The following CFAP54 variants were observed in gnomAD, a reference collection of about 807,000 sequenced individuals.
CFAP54 encodes the protein cilia- and flagella-associated protein 54.
Under a neutral mutation model 370.4 loss-of-function variants are expected in CFAP54, and 290 were observed. That is an observed-to-expected ratio of 0.78 (90% CI 0.71 to 0.86). The LOEUF (loss-of-function observed/expected upper bound fraction) is 0.86, where lower values mean the gene tolerates loss of function less well. Among genes scored for constraint, CFAP54 ranks in the 40% least tolerant of loss-of-function variants. The pLI is 0.00. For synonymous variants in CFAP54, 1,206 were observed against 1,236.5 expected (o/e 0.98, Z 0.52); for missense variants, 3,399 against 3,528.7 (o/e 0.96, Z 0.93).
At chr12:96,659,294 C>T (rs563410821) in intron 38 of CFAP54, among the ~76,000 whole-genome samples, 17 of 152,142 alleles carry the variant, frequency 1.1e-4, no homozygotes, top group South Asian at 4.2e-4. Context: ...CCAACACGCC[C>T]GGCTAATTTT....
chr12:96,860,134 A>ATTTTTTTTTTTTTTTT (rs137937553), intron 66 of CFAP54, among the ~76,000 whole-genome samples: 1 of 127,990 alleles, frequency 7.8e-6, no homozygotes, highest in Non-Finnish European at 1.6e-5. Flanking sequence ...TTGTTCTCTA[A>ATTTTTTTTTTTTTTTT]TTTTTTTTTT....
At chr12:96,720,971 G>A (rs1957745140) in intron 50 of CFAP54, among the ~76,000 whole-genome samples, 1 of 151,586 alleles carries the variant, frequency 6.6e-6, no homozygotes, top group African/African-American at 2.4e-5. Flanking sequence ...AGTGAGCTGA[G>A]ATTGCCCCTC....
chr12:96,554,597 T>C (rs1240884065), intron 16 of CFAP54, 79 bp from the exon 17 acceptor site: 3 of 1,320,170 alleles, frequency 2.3e-6, no homozygotes, highest in Non-Finnish European at 3.0e-6. Context: ...GATGATAACT[T>C]GAGTGATAAT....
Position 96,489,927 on chromosome 12 carries a change from G to C in CFAP54, c.317+1G>C. 1 of 1,531,272 alleles carries C rather than the reference G, an allele frequency of 6.5e-7. No individual in the cohort carries two copies. Among genetic ancestry groups the C allele is most frequent in the Non-Finnish European group, 8.7e-7 (1 of 1,143,534 alleles). 94.9% of individuals were successfully genotyped at this position (1,531,272 alleles called of 1,614,324 possible). ...AGAAGCACGAATTCCGCCGGCGTTG[G>C]TAAGCGCTGGCGGGGCACTGGGGAG... is the stretch of plus-strand genomic sequence containing the variant. On this transcript the variant is annotated splice_donor_variant, in intron 1 of 67. Coordinates refer to ENST00000524981, the MANE Select transcript of CFAP54 (RefSeq NM_001306084.2). LOFTEE classifies it high-confidence loss of function.
intron 36 of CFAP54, among the ~76,000 whole-genome samples, chr12:96,655,872 C>CT (rs1290018240): frequency 1.3e-5 from 2 of 151,480 alleles, no homozygotes; most frequent in African/African-American, 2.4e-5. Flanking sequence ...CTGCTAATTT[C>CT]TTTTTTTTAG....
chr12:96,505,477 C>A (rs1285250175), intron 3 of CFAP54, among the ~76,000 whole-genome samples: 4 of 151,108 alleles, frequency 2.6e-5, no homozygotes, highest in African/African-American at 9.7e-5. Flanking sequence ...TTTTCTGAGC[C>A]TGGGTCACCC....
intron 40 of CFAP54, among the ~76,000 whole-genome samples, chr12:96,683,606 T>A (rs548148981): frequency 1.3e-5 from 2 of 152,328 alleles, no homozygotes; most frequent in South Asian, 4.1e-4. Flanking sequence ...ACATCTTTGG[T>A]CTTAACCTAT....
chr12:96,677,700 A>G (rs1368697702), intron 39 of CFAP54, among the ~76,000 whole-genome samples: 1 of 152,180 alleles, frequency 6.6e-6, no homozygotes, highest in Non-Finnish European at 1.5e-5. Context: ...TGGCCTAAGT[A>G]TTTGATTCTC....
intron 50 of CFAP54, among the ~76,000 whole-genome samples, chr12:96,727,954 A>G (rs1285312849): frequency 2.0e-5 from 3 of 151,752 alleles, no homozygotes; most frequent in East Asian, 1.9e-4. Flanking sequence ...TTGGCTGGAT[A>G]TGAAATTCTG....
intron 67 of CFAP54, among the ~76,000 whole-genome samples, chr12:96,868,517 T>C (rs1334965025): frequency 6.6e-6 from 1 of 151,896 alleles, no homozygotes; most frequent in Non-Finnish European, 1.5e-5. Flanking sequence ...TTTTTTTACA[T>C]TCTCGTTTTC....
chr12:96,540,733 T>TC, intron 13 of CFAP54, 104 bp from the exon 14 acceptor site: 7 of 633,590 alleles, frequency 1.1e-5, no homozygotes, highest in Non-Finnish European at 1.6e-5. Context: ...TTCCATATGA[T>TC]TAGAAGATGG....
chr12:96,838,651 A>G (rs1959194191), intron 66 of CFAP54, among the ~76,000 whole-genome samples: 1 of 152,110 alleles, frequency 6.6e-6, no homozygotes, highest in Admixed American at 6.5e-5. Context: ...AGCCCCTATG[A>G]TCCTATCACC....
At chr12:96,860,038 T>C (rs932638159) in intron 66 of CFAP54, among the ~76,000 whole-genome samples, 1 of 151,796 alleles carries the variant, frequency 6.6e-6, no homozygotes, top group Non-Finnish European at 1.5e-5. Flanking sequence ...CCAAATACAA[T>C]ATTCACATTT....
chr12:96,630,135 G>A lies in CFAP54; in HGVS notation c.4146G>A (p.Lys1382=), dbSNP rs1034206856. ...TTGGACTAATAAAAGTGAAATATAA[G>A]GATAGTGCTTTGAATAAAAAAGCAA... The part of the protein sequence containing the change: ...SLLGLIKVKY[K]DSALNKKANK... Residue 1382 remains lysine, a synonymous_variant, in exon 31 of 68, where the codon AAG becomes AAA. Transcript: ENST00000524981. 1.3e-6 allele frequency: 2 copies of A among 1,498,306 alleles called. No individual in the cohort carries two copies. The highest frequency in any genetic ancestry group is 1.8e-6 in the Non-Finnish European group (2 of 1,117,414). 92.8% of individuals were successfully genotyped at this position (1,498,306 alleles called of 1,614,324 possible).
Position 96,708,732 on chromosome 12 carries a change from A to G in CFAP54, c.6653A>G (p.Asn2218Ser). 6.2e-7 allele frequency: 1 copy of G among 1,612,396 alleles called. No homozygotes were observed. The change falls in exon 48 of 68, where the codon AAT becomes AGT. Residue 2218 changes from asparagine to serine, a missense_variant. This residue lies in a region of CFAP54 where 2,796 missense variants were observed against 2,869.7 expected (regional missense o/e 0.97). Transcript: ENST00000524981. The stretch of plus-strand genomic sequence containing the variant: ...TTCCTAAGTGTGGCTGCGACAATAA[A>G]TTGTGTCCCAGAAAATAAATTTAAG... Reference protein sequence around the residue: ...YFFLSVAATINCVPENKFKTV... With the variant: ...YFFLSVAATISCVPENKFKTV...
intron 25 of CFAP54, among the ~76,000 whole-genome samples, chr12:96,595,944 T>G (rs1385117717): frequency 1.3e-5 from 2 of 152,194 alleles, no homozygotes; most frequent in Non-Finnish European, 2.9e-5. Context: ...TATCAAGGTC[T>G]TCAATGTACT....
chr12:96,706,568 G>C (rs563414751), intron 47 of CFAP54, among the ~76,000 whole-genome samples: 5 of 152,274 alleles, frequency 3.3e-5, no homozygotes, highest in Non-Finnish European at 4.4e-5. Context: ...AGAAGGGGTT[G>C]TAGGGCCATT....
At chr12:96,692,014 T>C (rs1957393536) in intron 44 of CFAP54, among the ~76,000 whole-genome samples, 1 of 152,066 alleles carries the variant, frequency 6.6e-6, no homozygotes. Context: ...CTTCTTTACA[T>C]CTATTCTTTC....
rs1290570043 is a variant in CFAP54, at chr12:96,504,033, A to G, written c.567+4A>G. On this transcript the variant is annotated splice_donor_region_variant and intron_variant, in intron 3 of 67. Coordinates refer to ENST00000524981, the MANE Select transcript of CFAP54 (RefSeq NM_001306084.2). The stretch of plus-strand genomic sequence containing the variant: ...AGATAAAACTGCTGGACTTACAGTA[A>G]GATGAAAGAGCAGCTGAAATAGCTA... The G allele has an allele frequency of 6.7e-7, 1 of 1,500,248 alleles. No individual in the cohort carries two copies. Among genetic ancestry groups the G allele is most frequent in the African/African-American group, 1.4e-5 (1 of 70,994 alleles). 92.9% of individuals were successfully genotyped at this position (1,500,248 alleles called of 1,614,324 possible).
Sources: gnomAD v4.1 joint callset for allele counts (sites outside exome capture counted in the v4.1 genomes callset) on GRCh38, gnomAD v4.1.1 for gene constraint, gnomAD v4.1.1 regional missense constraint, MANE v1.5 for transcripts, NCBI Gene and HGNC (gene_info 2026-07-23, HGNC 2026-07-21) for gene names.